CAPRIN1: variants seen among roughly 807,000 people sequenced by gnomAD.
The protein encoded by CAPRIN1 is cell cycle associated protein 1, also known as caprin-1.
Under a neutral mutation model 100.9 loss-of-function variants are expected in CAPRIN1, and 29 were observed. That is an observed-to-expected ratio of 0.29 (90% CI 0.21 to 0.39). The LOEUF (loss-of-function observed/expected upper bound fraction) is 0.39, where lower values mean the gene tolerates loss of function less well. CAPRIN1 is among the 10% of genes least tolerant of loss of function. CAPRIN1 has a pLI of 1.00. For missense variants in CAPRIN1, 795 were observed against 876.7 expected, an observed-to-expected ratio of 0.91 and a Z score of 1.18; for synonymous variants, 338 against 307.5, an observed-to-expected ratio of 1.10 and a Z score of -1.04.
chr11:34,097,645 G>A, intron 17 of CAPRIN1, 53 bp from the exon 18 acceptor site: 1 of 1,604,956 alleles, frequency 6.2e-7, no homozygotes, highest in Non-Finnish European at 8.5e-7. Context: ...AGAATAGATG[G>A]GTAAGCATTT....
chr11:34,079,559 T>C, intron 6 of CAPRIN1, 69 bp from the exon 7 acceptor site: 6 of 1,258,552 alleles, frequency 4.8e-6, no homozygotes, highest in East Asian at 2.3e-5. Flanking sequence ...TTTTATAGAA[T>C]GTTGGATCTT....
Position 34,052,495 on chromosome 11 carries a change from G to C in CAPRIN1, c.75G>C (p.Gly25=), listed in dbSNP as rs1850343547. Residue 25 remains glycine, a synonymous_variant, in exon 2 of 19, where the codon GGG becomes GGC. Coordinates refer to ENST00000341394, the MANE Select transcript of CAPRIN1 (RefSeq NM_005898.5). The stretch of plus-strand genomic sequence containing the variant: ...CGCCACCGCCGTCGGGTTCCTCCGG[G>C]AGTGAGGCGGCCGCGGGAGCCGGGG... ...SGPPPPSGSS[G]SEAAAGAGAA... 2 of 1,606,762 alleles carry C rather than the reference G, an allele frequency of 1.2e-6. No individual in the cohort carries two copies. Among genetic ancestry groups the C allele is most frequent in the Non-Finnish European group, 1.7e-6 (2 of 1,177,700 alleles).
chr11:34,079,969 G>A (rs1812712726), intron 7 of CAPRIN1, among the ~76,000 whole-genome samples: 1 of 141,120 alleles, frequency 7.1e-6, no homozygotes, highest in Admixed American at 7.5e-5. Context: ...TGTTGCCCAG[G>A]CTGGAGTGCA....
chr11:34,097,900 T>G, intron 18 of CAPRIN1, 139 bp downstream of exon 18: 1 of 1,430,620 alleles, frequency 7.0e-7, no homozygotes, highest in Non-Finnish European at 9.2e-7. Flanking sequence ...AATGCTCTGT[T>G]TCTAAAACTT....
intron 2 of CAPRIN1, among the ~76,000 whole-genome samples, chr11:34,059,606 G>A (rs1850531139): frequency 6.6e-6 from 1 of 152,170 alleles, no homozygotes; most frequent in South Asian, 2.1e-4. Flanking sequence ...CTCTTTGTGG[G>A]CAGAGACTAT....
intron 14 of CAPRIN1, among the ~76,000 whole-genome samples, chr11:34,090,958 A>G (rs1851252358): frequency 6.6e-6 from 1 of 152,188 alleles, no homozygotes; most frequent in African/African-American, 2.4e-5. Context: ...ACATTCAGAG[A>G]AATAGACTAA....
At chr11:34,052,920 G>A (rs1850358886) in intron 2 of CAPRIN1, 8 of 1,279,040 alleles carry the variant, frequency 6.3e-6, no homozygotes, top group Non-Finnish European at 7.9e-6. Flanking sequence ...GCCTTTAGGA[G>A]TGGGACATGT....
intron 2 of CAPRIN1, among the ~76,000 whole-genome samples, chr11:34,061,175 T>A (rs927465415): frequency 1.3e-5 from 2 of 151,796 alleles, no homozygotes; most frequent in African/African-American, 4.8e-5. Context: ...AAAAATTATC[T>A]TACAATGGAA....
intron 12 of CAPRIN1, 131 bp downstream of exon 12, chr11:34,089,587 C>T (rs924164293): frequency 1.8e-4 from 77 of 431,368 alleles, no homozygotes; most frequent in Non-Finnish European, 2.3e-4. Context: ...GGCAGTGTAG[C>T]GAGACACCAT....
rs189270253 is a variant in CAPRIN1 at position 34,088,614 on chromosome 11, A to G, written c.1232-781A>G. On this transcript the variant is annotated intron_variant, in intron 11 of 18. Coordinates refer to ENST00000341394, the MANE Select transcript of CAPRIN1 (RefSeq NM_005898.5). ...TCTTGAGCCCAGAGTTTGAGACTACAGTTAGCTATGATGGCGCCACTGCAC... is the reference window on the plus strand; with the variant it reads ...TCTTGAGCCCAGAGTTTGAGACTACGGTTAGCTATGATGGCGCCACTGCAC... Among the ~76,000 whole-genome samples, 135 of 152,266 alleles carry G rather than the reference A, an allele frequency of 8.9e-4. 1 individual carries two copies. In the East Asian group the frequency reaches 0.025, roughly 28 times the overall value.
rs749608889 is a variant in CAPRIN1 at position 34,076,549 on chromosome 11, A to G, written c.606-11A>G. The G allele has an allele frequency of 2.4e-5, 38 of 1,611,480 alleles. No individual in the cohort carries two copies. The highest frequency in any genetic ancestry group is 3.0e-5 in the Non-Finnish European group (35 of 1,177,688). On this transcript the variant is annotated splice_polypyrimidine_tract_variant and intron_variant, in intron 5 of 18. Transcript: ENST00000341394. The stretch of plus-strand genomic sequence containing the variant: ...CTGAAAGGTTATTAATTAGCTATTT[A>G]CTATTAAAAGGTTGAATGAACAGTA...
At chr11:34,062,326 A>C (rs1035072651) in intron 2 of CAPRIN1, among the ~76,000 whole-genome samples, 5 of 152,094 alleles carry the variant, frequency 3.3e-5, no homozygotes, top group Admixed American at 1.3e-4. Context: ...TAATACCTGG[A>C]AAAACTGGTA....
At position 34,100,455 on chromosome 11, in the gene CAPRIN1, G is replaced by C. The variant is rs1199299021; in HGVS notation, c.*1088G>C. 1 of 152,176 alleles carries C rather than the reference G, an allele frequency of 6.6e-6. No individual in the cohort carries two copies. The highest frequency in any genetic ancestry group is 1.5e-5 in the Non-Finnish European group (1 of 68,032). The allele number at this position is 152,176 out of a possible 1,614,324, so 9.4% of individuals were successfully genotyped here. ...CCCTGTTTCAGGGAAATCACGGACAGTAGTTTCAGTTCTGATGGTATAAGC... is the reference window on the plus strand; with the variant it reads ...CCCTGTTTCAGGGAAATCACGGACACTAGTTTCAGTTCTGATGGTATAAGC... On this transcript the variant is annotated 3_prime_UTR_variant, in exon 19 of 19. Coordinates refer to ENST00000341394, the MANE Select transcript of CAPRIN1 (RefSeq NM_005898.5).
In CAPRIN1 at chr11:34,090,627, A is replaced by G. The variant is rs369349473; in HGVS notation, c.1503A>G (p.Leu501=). ...TTCAGGCTGGGACAAGCAAACCTTT[A>G]CATAGCAGTGGAATCAATGTAAATG... ...QVFQAGTSKP[L]HSSGINVNAA... Residue 501 remains leucine (L), a synonymous_variant, in exon 14 of 19, where the codon TTA becomes TTG. Transcript: ENST00000341394. The G allele has an allele frequency of 1.9e-6, 3 of 1,614,156 alleles. No individual in the cohort carries two copies. The African/African-American group carries it at 4.0e-5, about 22-fold the overall frequency.
At chr11:34,086,280 T>C in intron 10 of CAPRIN1, 25 bp from the exon 11 acceptor site, 10 of 1,609,036 alleles carry the variant, frequency 6.2e-6, no homozygotes, top group Non-Finnish European at 8.5e-6. Flanking sequence ...TATTTGACTT[T>C]ATTCTATCCT....
intron 2 of CAPRIN1, among the ~76,000 whole-genome samples, chr11:34,059,040 T>C (rs905673616): frequency 6.6e-6 from 1 of 152,198 alleles, no homozygotes; most frequent in Non-Finnish European, 1.5e-5. Flanking sequence ...GAACTGTAAA[T>C]TGCTTTGTTT....
intron 2 of CAPRIN1, among the ~76,000 whole-genome samples, chr11:34,062,566 A>G (rs1309992017): frequency 6.7e-6 from 1 of 149,924 alleles, no homozygotes; most frequent in Non-Finnish European, 1.5e-5. Flanking sequence ...CAGAGCTTGC[A>G]GTGAGCTGAG....
chr11:34,059,233 TC>T (rs1436673173), intron 2 of CAPRIN1, among the ~76,000 whole-genome samples: 1 of 151,800 alleles, frequency 6.6e-6, no homozygotes, highest in Non-Finnish European at 1.5e-5. Context: ...TCCTTTAACT[TC>T]CCCTGTTACC....
intron 2 of CAPRIN1, among the ~76,000 whole-genome samples, chr11:34,057,611 T>C (rs1343764968): frequency 1.3e-5 from 2 of 152,332 alleles, no homozygotes; most frequent in East Asian, 1.9e-4. Flanking sequence ...ACTTTTCCTT[T>C]AGTAAAAGTG....
Sources: gnomAD v4.1 joint callset for allele counts (sites outside exome capture counted in the v4.1 genomes callset) on GRCh38, gnomAD v4.1.1 for gene constraint, MANE v1.5 for transcripts, NCBI Gene and HGNC (gene_info 2026-07-23, HGNC 2026-07-21) for gene names.